Variants in PTGES2 observed in about 807,000 individuals in gnomAD.
PTGES2 encodes prostaglandin E synthase 2, also known as GATE-binding factor 1.
Under a neutral mutation model 44.5 loss-of-function variants are expected in PTGES2, and 35 were observed. The ratio of observed to expected loss-of-function variants is 0.79; its 90% CI spans 0.60 to 1.04. The LOEUF (loss-of-function observed/expected upper bound fraction) is 1.04. Ranked by LOEUF, PTGES2 falls within the 50% of genes least tolerant of loss-of-function variation. PTGES2 has a pLI of 0.00. For synonymous variants in PTGES2, 221 were observed against 227.5 expected, an observed-to-expected ratio of 0.97 and a Z score of 0.26; for missense variants, 517 against 521.4, an observed-to-expected ratio of 0.99 and a Z score of 0.08.
chr9:128,126,341 C>T (rs1210166066), intron 1 of PTGES2, among the ~76,000 whole-genome samples: 2 of 152,170 alleles, frequency 1.3e-5, no homozygotes, highest in Non-Finnish European at 2.9e-5. Context: ...GGCAGCTGGG[C>T]CACCACTTAG....
Position 128,125,321 on chromosome 9 carries a change from G to T in PTGES2, c.400C>A (p.Pro134Thr), listed in dbSNP as rs759429931. 1.2e-6 allele frequency: 2 copies of T among 1,614,058 alleles called. No homozygotes were observed. ...ALPYQVVEVN[P>T]VRRAEIKFSS... ...AACTTGATCTCAGCCCTGCGCACAG[G>T]GTTCACCTCCACCACCTGGTAGGGC... Residue 134 changes from proline (P) to threonine (T), a missense_variant, in exon 2 of 7, where the codon CCT (proline) becomes ACT (threonine). Pro to Thr is a conservative substitution (Grantham distance 38). Coordinates refer to ENST00000338961, the MANE Select transcript of PTGES2 (RefSeq NM_025072.7).
At chr9:128,122,856 G>T in intron 5 of PTGES2, 78 bp downstream of exon 5, 1 of 1,480,040 alleles carries the variant, frequency 6.8e-7, no homozygotes, top group South Asian at 1.1e-5. Flanking sequence ...GGTCTCCTGA[G>T]GGGTGTGATG....
chr9:128,125,469 T>C lies in PTGES2; in HGVS notation c.280-28A>G, dbSNP rs1834584610. 2 of 1,610,640 alleles carry C rather than the reference T, an allele frequency of 1.2e-6. 1 individual carries two copies. Among genetic ancestry groups the C allele is most frequent in the South Asian group, 2.2e-5 (2 of 90,948 alleles). On this transcript the variant is annotated intron_variant, in intron 1 of 6. Coordinates refer to ENST00000338961, the MANE Select transcript of PTGES2 (RefSeq NM_025072.7). Reference sequence around the variant, plus strand: ...GCGGGCAGCAGACGGAAAAGGCTTCTAGACCTGGCACCCCCAGGCCCAGGC... The same window carrying C: ...GCGGGCAGCAGACGGAAAAGGCTTCCAGACCTGGCACCCCCAGGCCCAGGC...
chr9:128,125,451 G>A lies in PTGES2; in HGVS notation c.280-10C>T. 6.2e-7 allele frequency: 1 copy of A among 1,613,604 alleles called. No homozygotes were observed. The highest frequency in any genetic ancestry group is 8.5e-7 in the Non-Finnish European group (1 of 1,179,898). On this transcript the variant is annotated splice_polypyrimidine_tract_variant and intron_variant, in intron 1 of 6. Coordinates refer to ENST00000338961, the MANE Select transcript of PTGES2 (RefSeq NM_025072.7). ...GGCTGGACAGGGAGAGCTGCGGGCA[G>A]CAGACGGAAAAGGCTTCTAGACCTG... is the stretch of plus-strand genomic sequence containing the variant.
chr9:128,124,966 G>C (rs1834562908), intron 2 of PTGES2: 1 of 889,662 alleles, frequency 1.1e-6, no homozygotes, highest in Non-Finnish European at 1.6e-6. Context: ...TAGTGAGTGG[G>C]TGAATCACAC....
chr9:128,127,623 G>T lies in PTGES2; in HGVS notation c.95C>A (p.Thr32Lys), dbSNP rs1834681110. The part of the protein sequence containing the change: ...LGGRPQPLLP[T>K]QSRAGFAGAA... Reference sequence around the variant, plus strand: ...CCCCGCGAAGCCAGCCCGGCTCTGCGTGGGTAGCAGCGGCTGGGGGCGGCC... The same window carrying T: ...CCCCGCGAAGCCAGCCCGGCTCTGCTTGGGTAGCAGCGGCTGGGGGCGGCC... The change falls in exon 1 of 7, where the codon ACG (threonine) becomes AAG (lysine). Residue 32 changes from threonine (T) to lysine (K), a missense_variant. Physicochemically the swap from Thr to Lys is moderately conservative, Grantham distance 78 (BLOSUM62 -1). Transcript: ENST00000338961. 4 of 1,268,238 alleles carry T rather than the reference G, an allele frequency of 3.2e-6. No individual in the cohort carries two copies. The South Asian group carries it at 1.1e-4, about 35-fold the overall frequency. 78.6% of individuals were successfully genotyped at this position (1,268,238 alleles called of 1,614,324 possible). A position where few individuals can be genotyped will look rare whatever the true frequency, so the allele number is the denominator to read the frequency against.
At position 128,123,124 on chromosome 9, in the gene PTGES2, T is replaced by C. The variant is rs766285952; in HGVS notation, c.697A>G (p.Lys233Glu). 20 of 1,610,228 alleles carry C rather than the reference T, an allele frequency of 1.2e-5. No homozygotes were observed. The highest frequency in any genetic ancestry group is 1.5e-5 in the Non-Finnish European group (18 of 1,179,986). ...GGKEARTEEM[K>E]WRQWADDWLV... ...CAGTCGTCCGCCCACTGCCGCCACT[T>C]CATCTCCTCCCTGCGGGCACGGGAG... Residue 233 changes from lysine (K) to glutamate (E), a missense_variant, in exon 5 of 7, where the codon AAG (lysine) becomes GAG (glutamate). Coordinates refer to ENST00000338961, the MANE Select transcript of PTGES2 (RefSeq NM_025072.7). This position sits in a 1 kb window ranked among gnomAD's most constrained non-coding sequence, Gnocchi z 4.4.
chr9:128,127,553 G>A lies in PTGES2; in HGVS notation c.165C>T (p.Ser55=). ...GCGCCGCAGCTCCCAGCAGCCGCGG[G>A]CTCCCCTTACGAGCTGCAGCCACGG... ...PSPVAAARKG[S]PRLLGAAALA... Residue 55 remains serine, a synonymous_variant, in exon 1 of 7, where the codon AGC becomes AGT. Transcript: ENST00000338961. The A allele has an allele frequency of 7.8e-7, 1 of 1,287,400 alleles. No homozygotes were observed. Among genetic ancestry groups the A allele is most frequent in the South Asian group, 2.4e-5 (1 of 41,384 alleles). 79.7% of individuals were successfully genotyped at this position (1,287,400 alleles called of 1,614,324 possible).
At position 128,127,596 on chromosome 9, in the gene PTGES2, G is replaced by C; in HGVS notation, c.122C>G (p.Ala41Gly). ...PTQSRAGFAG[A>G]AGGPSPVAAA... is the part of the protein sequence containing the mutation. The stretch of plus-strand genomic sequence containing the variant: ...AGCCACGGGGCTCGGGCCGCCCGCC[G>C]CCCCCGCGAAGCCAGCCCGGCTCTG... The change falls in exon 1 of 7, where the codon GCG becomes GGG. Residue 41 changes from alanine to glycine, a missense_variant. Coordinates refer to ENST00000338961, the MANE Select transcript of PTGES2 (RefSeq NM_025072.7). 7.9e-7 allele frequency: 1 copy of C among 1,271,702 alleles called. No homozygotes were observed. Among genetic ancestry groups the C allele is most frequent in the Non-Finnish European group, 9.9e-7 (1 of 1,010,008 alleles). 78.8% of individuals were successfully genotyped at this position (1,271,702 alleles called of 1,614,324 possible). A position where few individuals can be genotyped will look rare whatever the true frequency, so the allele number is the denominator to read the frequency against.
At chr9:128,124,873 T>G in intron 2 of PTGES2, 1 of 1,247,574 alleles carries the variant, frequency 8.0e-7, no homozygotes, top group Non-Finnish European at 1.0e-6. Context: ...CTGCCGTCCC[T>G]GCAAGCCAGA....
chr9:128,126,338 G>A (rs1834614714), intron 1 of PTGES2, among the ~76,000 whole-genome samples: 1 of 152,154 alleles, frequency 6.6e-6, no homozygotes, highest in Non-Finnish European at 1.5e-5. Flanking sequence ...CAAGGCAGCT[G>A]GGCCACCACT....
At chr9:128,125,183 G>C in intron 2 of PTGES2, 61 bp downstream of exon 2, 1 of 1,477,104 alleles carries the variant, frequency 6.8e-7, no homozygotes, top group Admixed American at 2.0e-5. Context: ...GGCCAGGCTA[G>C]GGGGCGCTCC....
intron 6 of PTGES2, 45 bp downstream of exon 6, chr9:128,122,317 G>C: frequency 6.6e-7 from 1 of 1,506,754 alleles, no homozygotes. Flanking sequence ...CCACTCTGAG[G>C]ACAGAACCCT....
At position 128,127,540 on chromosome 9, in the gene PTGES2, CCAG is replaced by C; in HGVS notation, c.175_177del (p.Leu59del). 1.5e-6 allele frequency: 2 copies of C among 1,294,176 alleles called. No individual in the cohort carries two copies. The highest frequency in any genetic ancestry group is 2.0e-6 in the Non-Finnish European group (2 of 1,021,366). 80.2% of individuals were successfully genotyped at this position (1,294,176 alleles called of 1,614,324 possible). A position where few individuals can be genotyped will look rare whatever the true frequency, so the allele number is the denominator to read the frequency against. ...CCCCCCAGGGCCAGCGCCGCAGCTC[CCAG>C]CAGCCGCGGGCTCCCCTTACGAGCT... On this transcript the variant is annotated inframe_deletion, in exon 1 of 7. Transcript: ENST00000338961.
chr9:128,124,750 C>G, intron 2 of PTGES2, 200 bp from the exon 3 acceptor site: 1 of 1,348,084 alleles, frequency 7.4e-7, no homozygotes, highest in Non-Finnish European at 9.6e-7. Flanking sequence ...TGTGGGAAAG[C>G]CGTGGGGTCT....
rs538792295 is a variant in PTGES2, at chr9:128,124,479, A to C, written c.536+13T>G. 4 of 1,612,996 alleles carry C rather than the reference A, an allele frequency of 2.5e-6. No individual in the cohort carries two copies. Among genetic ancestry groups the C allele is most frequent in the Non-Finnish European group, 3.4e-6 (4 of 1,179,356 alleles). On this transcript the variant is annotated intron_variant, in intron 3 of 6. Transcript: ENST00000338961. ...AAAAGCAATGGCCACCTGGTCTCCG[A>C]GGGGCTCCTTACCCCGACACCAGGT...
chr9:128,123,778 C>T lies in PTGES2; in HGVS notation c.610G>A (p.Glu204Lys), dbSNP rs1169289085. 30 of 1,614,046 alleles carry T rather than the reference C, an allele frequency of 1.9e-5. No homozygotes were observed. Among genetic ancestry groups the T allele is most frequent in the Non-Finnish European group, 2.4e-5 (28 of 1,180,030 alleles). ...ATGAGCCAGTACTTATTGCCGAACT[C>T]GGTCACCTCCTTGCCCTGCTCGTTC... is the stretch of plus-strand genomic sequence containing the variant. ...AVNEQGKEVT[E>K]FGNKYWLMLN... Residue 204 changes from glutamate to lysine, a missense_variant, in exon 4 of 7, where the codon GAG becomes AAG. Transcript: ENST00000338961. The surrounding 1 kb of genome is among the most constrained non-coding windows in gnomAD (Gnocchi z 4.4).
chr9:128,126,193 A>C (rs1471344152), intron 1 of PTGES2, among the ~76,000 whole-genome samples: 2 of 152,234 alleles, frequency 1.3e-5, no homozygotes, highest in Admixed American at 6.5e-5. Flanking sequence ...GGAGGCAGGA[A>C]GGGAGACACA....
chr9:128,121,990 T>G (rs1834428800), intron 6 of PTGES2, among the ~76,000 whole-genome samples: 1 of 151,346 alleles, frequency 6.6e-6, no homozygotes, highest in Non-Finnish European at 1.5e-5. Context: ...TGAGACGCCC[T>G]CCCAGGGGTT....
Sources: gnomAD v4.1 joint callset for allele counts (sites outside exome capture counted in the v4.1 genomes callset) on GRCh38, gnomAD v4.1.1 for gene constraint, Gnocchi (gnomAD v3.1) non-coding constraint, MANE v1.5 for transcripts, NCBI Gene and HGNC (gene_info 2026-07-23, HGNC 2026-07-21) for gene names.